Variants in ACTR3 observed in about 807,000 individuals in gnomAD.
ACTR3 encodes the protein actin-related protein 3.
ACTR3 carries 12 observed loss-of-function variants against 56.8 expected under a neutral mutation model. The ratio of observed to expected loss-of-function variants is 0.21; its 90% CI spans 0.14 to 0.34. The LOEUF (loss-of-function observed/expected upper bound fraction) is 0.34, where lower values mean the gene tolerates loss of function less well. Among genes scored for constraint, ACTR3 ranks in the 10% least tolerant of loss-of-function variants. The pLI, the probability that ACTR3 is intolerant of heterozygous loss-of-function variation, is 1.00. For missense variants in ACTR3, 282 were observed against 512.5 expected (o/e 0.55, Z 4.34); for synonymous variants, 162 against 167.4 (o/e 0.97, Z 0.25).
intron 1 of ACTR3, among the ~76,000 whole-genome samples, chr2:113,903,013 G>A (rs989190460): frequency 1.3e-5 from 2 of 152,160 alleles, no homozygotes; most frequent in African/African-American, 4.8e-5. Context: ...ACTTAAGATC[G>A]CCTTTAGGCA....
intron 3 of ACTR3, among the ~76,000 whole-genome samples, chr2:113,920,092 T>G (rs1345499419): frequency 2.0e-5 from 3 of 151,982 alleles, no homozygotes; most frequent in African/African-American, 7.2e-5. Context: ...CCGGACTAAT[T>G]TTTGTGTTTT....
intron 1 of ACTR3, among the ~76,000 whole-genome samples, chr2:113,902,934 C>T (rs1307401023): frequency 6.6e-6 from 1 of 152,210 alleles, no homozygotes; most frequent in East Asian, 1.9e-4. Context: ...AACCTTGTGT[C>T]ATGAGTCTTA....
intron 1 of ACTR3, among the ~76,000 whole-genome samples, chr2:113,909,936 A>G (rs773191129): frequency 1.3e-5 from 2 of 152,204 alleles, no homozygotes; most frequent in Admixed American, 1.3e-4. Context: ...CATCATTTGA[A>G]GATTTTTGAG....
chr2:113,897,787 G>A (rs957583304), intron 1 of ACTR3, among the ~76,000 whole-genome samples: 13 of 152,092 alleles, frequency 8.5e-5, no homozygotes, highest in Admixed American at 8.5e-4. Flanking sequence ...TCGGCCAGAT[G>A]TATTCTTTCA....
Position 113,951,824 on chromosome 2 carries a change from A to G in ACTR3, c.1056A>G (p.Glu352=), listed in dbSNP as rs1574384920. The G allele has an allele frequency of 1.2e-6, 2 of 1,613,450 alleles. No individual in the cohort carries two copies. Among genetic ancestry groups the G allele is most frequent in the South Asian group, 1.1e-5 (1 of 91,026 alleles). Residue 352 remains glutamate (E), a synonymous_variant, in exon 10 of 12, where the codon GAA becomes GAG. Coordinates refer to ENST00000263238, the MANE Select transcript of ACTR3 (RefSeq NM_005721.5). The part of the protein sequence containing the change: ...TVDARLKLSE[E]LSGGRLKPKP... ...ATGCCCGGCTGAAATTAAGTGAGGAATTGAGTGGTGGTAGATTGAAGGTTG... is the reference window on the plus strand; with the variant it reads ...ATGCCCGGCTGAAATTAAGTGAGGAGTTGAGTGGTGGTAGATTGAAGGTTG...
At chr2:113,921,968 T>C (rs145640796) in intron 3 of ACTR3, among the ~76,000 whole-genome samples, 22 of 152,274 alleles carry the variant, frequency 1.4e-4, no homozygotes, top group Non-Finnish European at 2.4e-4. Flanking sequence ...AGACTGAGAA[T>C]GCATGGGTAG....
intron 3 of ACTR3, among the ~76,000 whole-genome samples, chr2:113,920,374 CT>C (rs1307910931): frequency 6.6e-6 from 1 of 152,164 alleles, no homozygotes; most frequent in Non-Finnish European, 1.5e-5. Flanking sequence ...AAAAATTTTA[CT>C]TGACATATAA....
In ACTR3 at chr2:113,890,275, G is replaced by A; in HGVS notation, c.-5G>A. Reference sequence around the variant, plus strand: ...CGGCAGCAGCAGCAGCAGGCGAGGAGGAAGATGGCGGGACGGCTGCCGGCC... The same window carrying A: ...CGGCAGCAGCAGCAGCAGGCGAGGAAGAAGATGGCGGGACGGCTGCCGGCC... On this transcript the variant is annotated 5_prime_UTR_variant, in exon 1 of 12. Coordinates refer to ENST00000263238, the MANE Select transcript of ACTR3 (RefSeq NM_005721.5). The A allele has an allele frequency of 6.4e-7, 1 of 1,551,470 alleles. No individual in the cohort carries two copies. The highest frequency in any genetic ancestry group is 8.7e-7 in the Non-Finnish European group (1 of 1,146,956).
At position 113,916,307 on chromosome 2, in the gene ACTR3, A is replaced by G. The variant is rs761124692; in HGVS notation, c.101-577A>G. Reference sequence around the variant, plus strand: ...TCAAACTGTATGCTGGATTTCTGCAATTATTTAAGGATATTGTTGTGGGTT... The same window carrying G: ...TCAAACTGTATGCTGGATTTCTGCAGTTATTTAAGGATATTGTTGTGGGTT... On this transcript the variant is annotated intron_variant, in intron 2 of 11. Transcript: ENST00000263238. 4.6e-5 allele frequency among the ~76,000 whole-genome samples: 7 copies of G among 152,194 alleles called. No homozygotes were observed. The South Asian group carries it at 6.2e-4, about 13-fold the overall frequency.
intron 2 of ACTR3, among the ~76,000 whole-genome samples, chr2:113,915,466 A>G (rs1422251921): frequency 6.6e-6 from 1 of 152,208 alleles, no homozygotes; most frequent in East Asian, 1.9e-4. Context: ...CTATTTCCAA[A>G]CACAGTTACA....
intron 2 of ACTR3, among the ~76,000 whole-genome samples, chr2:113,913,564 A>G (rs1679348705): frequency 6.6e-6 from 1 of 152,160 alleles, no homozygotes. Flanking sequence ...CCCATCATAT[A>G]CCTATGAAGA....
chr2:113,912,496 A>T (rs1679326288), intron 1 of ACTR3, among the ~76,000 whole-genome samples: 1 of 152,170 alleles, frequency 6.6e-6, no homozygotes, highest in Non-Finnish European at 1.5e-5. Context: ...ATTAAATCTT[A>T]TATTTATTTT....
At chr2:113,938,114 A>G (rs1165844685) in intron 6 of ACTR3, among the ~76,000 whole-genome samples, 1 of 151,900 alleles carries the variant, frequency 6.6e-6, no homozygotes, top group African/African-American at 2.4e-5. Context: ...AGTCCACTGT[A>G]ATCTCATCTA....
chr2:113,937,608 G>A (rs1412513508), intron 6 of ACTR3, among the ~76,000 whole-genome samples: 1 of 152,160 alleles, frequency 6.6e-6, no homozygotes, highest in African/African-American at 2.4e-5. Flanking sequence ...AGTTTTGAAA[G>A]ATGATTTTTG....
At chr2:113,919,152 C>T (rs899567733) in intron 3 of ACTR3, among the ~76,000 whole-genome samples, 24 of 152,112 alleles carry the variant, frequency 1.6e-4, no homozygotes, top group African/African-American at 5.6e-4. Flanking sequence ...AAATACTTAA[C>T]TCTTAAATAT....
intron 9 of ACTR3, 42 bp downstream of exon 9, chr2:113,951,613 A>T: frequency 6.4e-7 from 1 of 1,557,084 alleles, no homozygotes; most frequent in East Asian, 2.2e-5. Context: ...TACTTTAAAA[A>T]AACTTAAACA....
At chr2:113,917,039 T>C in intron 3 of ACTR3, 31 bp downstream of exon 3, 2 of 1,561,824 alleles carry the variant, frequency 1.3e-6, no homozygotes, top group Non-Finnish European at 1.7e-6. Context: ...TAAATAACAT[T>C]TTCAAAAAAT....
chr2:113,910,704 A>C (rs1024929441), intron 1 of ACTR3, among the ~76,000 whole-genome samples: 2 of 152,188 alleles, frequency 1.3e-5, no homozygotes, highest in African/African-American at 4.8e-5. Flanking sequence ...TTGGTCCCAG[A>C]AGTCTTCTGT....
At position 113,907,975 on chromosome 2, in the gene ACTR3, C is replaced by CAAAA. The variant is rs1458810094; in HGVS notation, c.45-5197_45-5196insAAAA. 1.6e-5 allele frequency among the ~76,000 whole-genome samples: 2 copies of CAAAA among 122,244 alleles called. 1 individual carries two copies. 80.2% of individuals were successfully genotyped at this position (122,244 alleles called of 152,430 possible). On this transcript the variant is annotated intron_variant, in intron 1 of 11. Transcript: ENST00000263238. ...GGCAACAAGAGCAAAACTCTGTCCC[C>CAAAA]CAAAAAAAAAAAAAAAAAAAAAAAA...
Sources: allele counts gnomAD v4.1 joint callset (sites outside exome capture counted in the v4.1 genomes callset), GRCh38; gene constraint gnomAD v4.1.1; transcripts MANE v1.5; gene names NCBI Gene and HGNC (gene_info 2026-07-23, HGNC 2026-07-21).